The following RASA1 variants were observed in gnomAD, a reference collection of about 807,000 sequenced individuals.
The protein encoded by RASA1 is ras GTPase-activating protein 1.
Under a neutral mutation model 132.2 loss-of-function variants are expected in RASA1, and 25 were observed. That is an observed-to-expected ratio of 0.19 (90% CI 0.14 to 0.26). The LOEUF (loss-of-function observed/expected upper bound fraction) is 0.26. Among genes scored for constraint, RASA1 ranks in the 10% least tolerant of loss-of-function variants. The pLI is 1.00. For synonymous variants in RASA1, 477 were observed against 449.9 expected, an observed-to-expected ratio of 1.06 and a Z score of -0.76; for missense variants, 964 against 1,299.2, an observed-to-expected ratio of 0.74 and a Z score of 3.97.
intron 1 of RASA1, among the ~76,000 whole-genome samples, chr5:87,313,752 C>T (rs1366277787): frequency 6.6e-6 from 1 of 152,064 alleles, no homozygotes; most frequent in Admixed American, 6.5e-5. Flanking sequence ...TAATTATGAC[C>T]AAGGGATCAA....
intron 7 of RASA1, among the ~76,000 whole-genome samples, chr5:87,348,012 A>G (rs1473520035): frequency 6.6e-6 from 1 of 152,000 alleles, no homozygotes; most frequent in Non-Finnish European, 1.5e-5. Context: ...CTCTCCTGAG[A>G]AGTACAAATA....
At chr5:87,333,141 A>C (rs1237883776) in intron 3 of RASA1, 126 bp from the exon 4 acceptor site, 3 of 1,406,474 alleles carry the variant, frequency 2.1e-6, no homozygotes, top group East Asian at 2.5e-5. Context: ...TCCAAGTAAA[A>C]ATTTATTTGA....
At chr5:87,335,988 C>G (rs1203052923) in intron 4 of RASA1, among the ~76,000 whole-genome samples, 1 of 152,098 alleles carries the variant, frequency 6.6e-6, no homozygotes, top group Non-Finnish European at 1.5e-5. Flanking sequence ...CATAGAATAT[C>G]TATAATTATC....
intron 24 of RASA1, 136 bp from the exon 25 acceptor site, chr5:87,390,664 T>A: frequency 2.7e-6 from 2 of 748,040 alleles, no homozygotes; most frequent in Admixed American, 4.1e-5. Context: ...TAATAGAGAC[T>A]TATGTTTTGA....
intron 12 of RASA1, among the ~76,000 whole-genome samples, chr5:87,371,093 G>A (rs987822499): frequency 1.3e-5 from 2 of 151,982 alleles, no homozygotes; most frequent in Non-Finnish European, 2.9e-5. Context: ...TATTTTCTAA[G>A]TATTTTACCA....
intron 20 of RASA1, among the ~76,000 whole-genome samples, chr5:87,382,593 G>A (rs1761796313): frequency 6.6e-6 from 1 of 152,162 alleles, no homozygotes; most frequent in Non-Finnish European, 1.5e-5. Flanking sequence ...TTATCTACAT[G>A]ACAACATATC....
At chr5:87,322,150 T>A (rs1354352105) in intron 1 of RASA1, among the ~76,000 whole-genome samples, 3 of 152,050 alleles carry the variant, frequency 2.0e-5, no homozygotes, top group African/African-American at 7.2e-5. Context: ...AAGTGAGAGC[T>A]GGTTGTTTAA....
intron 1 of RASA1, among the ~76,000 whole-genome samples, chr5:87,283,729 A>G (rs1012955481): frequency 2.6e-5 from 4 of 152,134 alleles, no homozygotes; most frequent in African/African-American, 4.8e-5. Context: ...TACAAACCCA[A>G]GCTTTTGACC....
intron 9 of RASA1, among the ~76,000 whole-genome samples, chr5:87,360,124 GT>G (rs755443447): frequency 0.025 from 3,283 of 132,662 alleles, 85 homozygotes; most frequent in African/African-American, 0.082. Flanking sequence ...TCAAAATGCA[GT>G]TTTTTTTTTT....
intron 20 of RASA1, 88 bp downstream of exon 20, chr5:87,380,683 C>CT (rs1400790444): frequency 4.9e-6 from 6 of 1,226,728 alleles, no homozygotes; most frequent in African/African-American, 4.5e-5. Context: ...CAATTCAATG[C>CT]TTTTTTCTTT....
At chr5:87,288,231 C>T (rs1306064892) in intron 1 of RASA1, among the ~76,000 whole-genome samples, 3 of 150,586 alleles carry the variant, frequency 2.0e-5, no homozygotes, top group Non-Finnish European at 4.4e-5. Context: ...TCTCCATTTA[C>T]TATTTCTTCT....
At chr5:87,348,259 A>C (rs1203269967) in intron 7 of RASA1, among the ~76,000 whole-genome samples, 1 of 151,992 alleles carries the variant, frequency 6.6e-6, no homozygotes, top group African/African-American at 2.4e-5. Flanking sequence ...TTACTTCATA[A>C]GTGCCTTGAT....
At chr5:87,372,868 T>C (rs1761050897) in intron 13 of RASA1, among the ~76,000 whole-genome samples, 1 of 152,200 alleles carries the variant, frequency 6.6e-6, no homozygotes. Context: ...TGCGAATATC[T>C]GATAAGCTGA....
chr5:87,350,097 G>A (rs1043684807), intron 8 of RASA1, among the ~76,000 whole-genome samples: 2 of 151,764 alleles, frequency 1.3e-5, no homozygotes, highest in Admixed American at 1.3e-4. Flanking sequence ...TTCTCTATCT[G>A]AATTAGAATT....
intron 1 of RASA1, among the ~76,000 whole-genome samples, chr5:87,273,977 C>T (rs761274399): frequency 1.1e-4 from 17 of 152,270 alleles, no homozygotes; most frequent in Non-Finnish European, 2.1e-4. Context: ...GGATTACAGG[C>T]GTGAGCCACC....
chr5:87,384,116 G>A (rs1761911988), intron 21 of RASA1, among the ~76,000 whole-genome samples: 1 of 152,040 alleles, frequency 6.6e-6, no homozygotes, highest in African/African-American at 2.4e-5. Flanking sequence ...GCTTTGCTTA[G>A]CCCATTGCTA....
chr5:87,280,527 G>A (rs533935379), intron 1 of RASA1, among the ~76,000 whole-genome samples: 46 of 151,254 alleles, frequency 3.0e-4, no homozygotes, highest in Admixed American at 5.3e-4. Context: ...TGGCCAGGCC[G>A]GTCCTGAACT....
chr5:87,331,188 G>T (rs770926808), intron 1 of RASA1, 160 bp from the exon 2 acceptor site: 2 of 969,208 alleles, frequency 2.1e-6, no homozygotes, highest in South Asian at 2.7e-5. Flanking sequence ...TGAGACTGAG[G>T]TTAAATTGAG....
At chr5:87,334,379 C>T (rs1237979224) in intron 4 of RASA1, among the ~76,000 whole-genome samples, 1 of 152,034 alleles carries the variant, frequency 6.6e-6, no homozygotes, top group African/African-American at 2.4e-5. Context: ...TGGATGATGC[C>T]CACTCACATT....
Sources: gnomAD v4.1 joint callset for allele counts (sites outside exome capture counted in the v4.1 genomes callset) on GRCh38, gnomAD v4.1.1 for gene constraint, MANE v1.5 for transcripts, NCBI Gene and HGNC (gene_info 2026-07-23, HGNC 2026-07-21) for gene names.